The following IL9 variants were observed in gnomAD, a reference collection of about 807,000 sequenced individuals.
IL9 encodes interleukin 9.
Under a neutral mutation model 12.9 loss-of-function variants are expected in IL9, and 16 were observed. That is an observed-to-expected ratio of 1.24 (90% CI 0.84 to 1.88). IL9 has a LOEUF of 1.88. Among genes scored for constraint, IL9 ranks in the 40% most tolerant of loss-of-function variants. The pLI is 0.00. For missense variants in IL9, 170 were observed against 173.1 expected (o/e 0.98, Z 0.10); for synonymous variants, 69 against 63.8 (o/e 1.08, Z -0.39).
chr5:135,893,144 C>G (rs933482659), intron 4 of IL9, among the ~76,000 whole-genome samples: 2 of 152,196 alleles, frequency 1.3e-5, no homozygotes, highest in East Asian at 3.9e-4. Flanking sequence ...CTTCTAGGAT[C>G]TTGTGTGGAG....
rs1762877772 is a variant in IL9 at position 135,892,280 on chromosome 5, AAAT to A, written c.*108_*110del. The A allele has an allele frequency of 3.7e-6, 3 of 803,566 alleles. No individual in the cohort carries two copies. Among genetic ancestry groups the A allele is most frequent in the Non-Finnish European group, 5.7e-6 (3 of 530,182 alleles). The allele number at this position is 803,566 out of a possible 1,614,324, so 49.8% of individuals were successfully genotyped here. A position where few individuals can be genotyped will look rare whatever the true frequency, so the allele number is the denominator to read the frequency against. On this transcript the variant is annotated 3_prime_UTR_variant, in exon 5 of 5. Transcript: ENST00000274520. ...AAAATAAAGACATACAATGTTAAAC[AAAT>A]AATCACAACTGATACTGATTTAGAG...
chr5:135,895,014 A>T (rs1762921852), intron 3 of IL9, among the ~76,000 whole-genome samples: 1 of 152,220 alleles, frequency 6.6e-6, no homozygotes, highest in African/African-American at 2.4e-5. Flanking sequence ...ATGAAAGATA[A>T]GGAGTTGTCA....
At chr5:135,894,228 T>A in intron 3 of IL9, 77 bp from the exon 4 acceptor site, 1 of 1,365,528 alleles carries the variant, frequency 7.3e-7, no homozygotes, top group Non-Finnish European at 1.0e-6. Context: ...AGCAATATAA[T>A]AGAGATGATT....
At position 135,892,420 on chromosome 5, in the gene IL9, T is replaced by G; in HGVS notation, c.406A>C (p.Lys136Gln). 6 of 1,611,176 alleles carry G rather than the reference T, an allele frequency of 3.7e-6. No homozygotes were observed. Among genetic ancestry groups the G allele is most frequent in the Non-Finnish European group, 5.1e-6 (6 of 1,177,822 alleles). Reference sequence around the variant, plus strand: ...ATCTTGCCTCTCATCCCTCTCATCTTTTCTTTCTGGAAAATTTCCAGAAGA... The same window carrying G: ...ATCTTGCCTCTCATCCCTCTCATCTGTTCTTTCTGGAAAATTTCCAGAAGA... ...KSLLEIFQKEKMRGMRGKI is the reference protein window; with the variant it reads ...KSLLEIFQKEQMRGMRGKI The change falls in exon 5 of 5, where the codon AAG becomes CAG. Residue 136 changes from lysine to glutamine, a missense_variant. Lys to Gln is a moderately conservative substitution (Grantham distance 53, BLOSUM62 1). Transcript: ENST00000274520.
In IL9 at chr5:135,894,415, G is replaced by A. The variant is rs112668112; in HGVS notation, c.184-264C>T. Among the ~76,000 whole-genome samples the A allele has an allele frequency of 8.2e-4, 125 of 152,272 alleles. 3 individuals carry two copies. The highest frequency in any genetic ancestry group is 2.9e-3 in the African/African-American group (121 of 41,552). ...GAGGGCTCTGGGCCCTGAAATAGTC[G>A]GCTCTGAATGTTCTTTTCAACGGGT... On this transcript the variant is annotated intron_variant, in intron 3 of 4. Coordinates refer to ENST00000274520, the MANE Select transcript of IL9 (RefSeq NM_000590.2).
intron 4 of IL9, 141 bp downstream of exon 4, chr5:135,893,879 G>A: frequency 1.6e-6 from 1 of 633,118 alleles, no homozygotes; most frequent in African/African-American, 1.9e-5. Flanking sequence ...TATTACTTCT[G>A]ATTAAAATTC....
Position 135,895,748 on chromosome 5 carries a change from G to A in IL9, c.69C>T (p.Thr23=), listed in dbSNP as rs1238202255. ...LCSVAGQGCP[T]LAGILDINFL... ...AGTTGATGTCCAGGATCCCCGCCAAGGTTGGACACCCCTGGCCTGCCACGG... is the reference window on the plus strand; with the variant it reads ...AGTTGATGTCCAGGATCCCCGCCAAAGTTGGACACCCCTGGCCTGCCACGG... Residue 23 remains threonine (T), a synonymous_variant, in exon 1 of 5, where the codon ACC becomes ACT. Transcript: ENST00000274520. 8 of 1,613,998 alleles carry A rather than the reference G, an allele frequency of 5.0e-6. No homozygotes were observed. The highest frequency in any genetic ancestry group is 6.8e-6 in the Non-Finnish European group (8 of 1,179,990).
chr5:135,894,218 A>T, intron 3 of IL9, 67 bp from the exon 4 acceptor site: 1 of 1,444,630 alleles, frequency 6.9e-7, no homozygotes, highest in Non-Finnish European at 9.6e-7. Flanking sequence ...TATCACAAAG[A>T]GCAATATAAT....
intron 3 of IL9, among the ~76,000 whole-genome samples, chr5:135,894,461 G>T (rs1762916170): frequency 6.6e-6 from 1 of 152,160 alleles, no homozygotes; most frequent in Non-Finnish European, 1.5e-5. Context: ...TTCAAGGCTT[G>T]TAAGTCTGAA....
At chr5:135,892,561 C>T in intron 4 of IL9, 51 bp from the exon 5 acceptor site, 1 of 1,560,448 alleles carries the variant, frequency 6.4e-7, no homozygotes, top group Non-Finnish European at 8.7e-7. Context: ...GATGTAGAGC[C>T]AAGCAGCCCC....
In IL9 at chr5:135,895,739, C is replaced by T; in HGVS notation, c.78G>A (p.Gly26=). The change falls in exon 1 of 5, where the codon GGG becomes GGA. Residue 26 remains glycine (G), a synonymous_variant. Transcript: ENST00000274520. Reference sequence around the variant, plus strand: ...TGATGAGGAAGTTGATGTCCAGGATCCCCGCCAAGGTTGGACACCCCTGGC... The same window carrying T: ...TGATGAGGAAGTTGATGTCCAGGATTCCCGCCAAGGTTGGACACCCCTGGC... ...VAGQGCPTLA[G]ILDINFLINK... The T allele has an allele frequency of 6.2e-7, 1 of 1,614,072 alleles. No individual in the cohort carries two copies. Among genetic ancestry groups the T allele is most frequent in the Non-Finnish European group, 8.5e-7 (1 of 1,179,950 alleles).
chr5:135,895,239 G>C (rs1171948823), intron 3 of IL9, among the ~76,000 whole-genome samples: 1 of 152,040 alleles, frequency 6.6e-6, no homozygotes, highest in Non-Finnish European at 1.5e-5. Context: ...ACAAAGAAAT[G>C]TTCATAATAT....
Position 135,895,560 on chromosome 5 carries a change from C to A in IL9, c.145G>T (p.Ala49Ser), listed in dbSNP as rs762839156. The A allele has an allele frequency of 3.7e-6, 6 of 1,613,836 alleles. No individual in the cohort carries two copies. In the East Asian group the frequency reaches 1.3e-4, roughly 36 times the overall value. Residue 49 changes from alanine (A) to serine (S), a missense_variant, in exon 2 of 5, where the codon GCT (alanine) becomes TCT (serine). Physicochemically the swap from Ala to Ser is moderately conservative, Grantham distance 99 (BLOSUM62 1). Transcript: ENST00000274520. Reference protein sequence around the residue: ...EDPASKCHCSANVTSCLCLGI... With the variant: ...EDPASKCHCSSNVTSCLCLGI... Reference sequence around the variant, plus strand: ...CTTAAAGAGCATTCACTCACATTAGCACTGCAGTGGCACTTGGAAGCTGGA... The same window carrying A: ...CTTAAAGAGCATTCACTCACATTAGAACTGCAGTGGCACTTGGAAGCTGGA...
rs530252896 is a variant in IL9 at position 135,895,838 on chromosome 5, G to A, written c.-22C>T. The stretch of plus-strand genomic sequence containing the variant: ...GCATCTTGACAGCGGACTGGAGCTC[G>A]CTTGCAGACACCTTCAAATCGAGTG... On this transcript the variant is annotated 5_prime_UTR_variant, in exon 1 of 5. Transcript: ENST00000274520. The A allele has an allele frequency of 4.7e-6, 7 of 1,497,670 alleles. No homozygotes were observed. The highest frequency in any genetic ancestry group is 1.4e-5 in the African/African-American group (1 of 72,664). The allele number at this position is 1,497,670 out of a possible 1,614,324, so 92.8% of individuals were successfully genotyped here.
chr5:135,895,374 T>C, intron 3 of IL9, 66 bp downstream of exon 3: 1 of 1,326,076 alleles, frequency 7.5e-7, no homozygotes, highest in South Asian at 1.3e-5. Context: ...ATAAAGCAAC[T>C]TATTTTTACT....
At chr5:135,895,412 C>T in intron 3 of IL9, 28 bp downstream of exon 3, 2 of 1,584,868 alleles carry the variant, frequency 1.3e-6, no homozygotes, top group South Asian at 2.3e-5. Flanking sequence ...AATCCAAGGT[C>T]AACATTATGT....
At chr5:135,892,651 A>G (rs780573290) in intron 4 of IL9, 141 bp from the exon 5 acceptor site, 15 of 866,744 alleles carry the variant, frequency 1.7e-5, no homozygotes, top group Middle Eastern at 2.7e-4. Context: ...ACACAGAGCA[A>G]ATAGGTGGGC....
Position 135,894,094 on chromosome 5 carries a change from T to C in IL9, c.241A>G (p.Met81Val). 2.5e-6 allele frequency: 4 copies of C among 1,613,542 alleles called. No individual in the cohort carries two copies. The highest frequency in any genetic ancestry group is 2.5e-6 in the Non-Finnish European group (3 of 1,179,620). Reference protein sequence around the residue: ...ERLSQMTNTTMQTRYPLIFSR... With the variant: ...ERLSQMTNTTVQTRYPLIFSR... ...AAAATCAGTGGGTATCTTGTTTGCA[T>C]GGTGGTATTGGTCATCTGAGACAGT... The change falls in exon 4 of 5, where the codon ATG becomes GTG. Residue 81 changes from methionine (M) to valine (V), a missense_variant. Transcript: ENST00000274520.
At chr5:135,894,478 G>A (rs1050969450) in intron 3 of IL9, among the ~76,000 whole-genome samples, 19 of 152,178 alleles carry the variant, frequency 1.2e-4, no homozygotes, top group African/African-American at 4.3e-4. Context: ...TGAAAGTGCA[G>A]AGTGAGGAAA....
Sources: allele counts gnomAD v4.1 joint callset (sites outside exome capture counted in the v4.1 genomes callset), GRCh38; gene constraint gnomAD v4.1.1; transcripts MANE v1.5; gene names NCBI Gene and HGNC (gene_info 2026-07-23, HGNC 2026-07-21).